The following PLD1 variants were observed in gnomAD, a reference collection of about 807,000 sequenced individuals.
PLD1 encodes choline phosphatase 1.
PLD1 carries 112 observed loss-of-function variants against 137.1 expected under a neutral mutation model. That is an observed-to-expected ratio of 0.82 (90% CI 0.70 to 0.96). PLD1 has a LOEUF of 0.96. PLD1 is among the 40% of genes least tolerant of loss of function. The pLI, the probability that PLD1 is intolerant of heterozygous loss-of-function variation, is 0.00. For missense variants in PLD1, 1,321 were observed against 1,342.0 expected, an observed-to-expected ratio of 0.98 and a Z score of 0.24; for synonymous variants, 431 against 454.7, an observed-to-expected ratio of 0.95 and a Z score of 0.66.
intron 8 of PLD1, among the ~76,000 whole-genome samples, chr3:171,721,191 C>T (rs930513890): frequency 1.3e-5 from 2 of 152,206 alleles, no homozygotes; most frequent in Non-Finnish European, 2.9e-5. Flanking sequence ...CCATGGCTTC[C>T]ATTCCTTGAG....
chr3:171,642,864 TG>T lies in PLD1; in HGVS notation c.2568del (p.Ile857SerfsTer5). On this transcript the variant is annotated frameshift_variant, in exon 23 of 27. Coordinates refer to ENST00000351298, the MANE Select transcript of PLD1 (RefSeq NM_002662.5). LOFTEE classifies it high-confidence loss of function. ...NYRTMCRGEN[S>X]ILGQLKAELG... The stretch of plus-strand genomic sequence containing the variant: ...CGCTCTGCTTTTAACTGTCCAAGGA[TG>T]GAATTTTCTCCTCTGCACATGGTTC... The T allele has an allele frequency of 6.3e-7, 1 of 1,589,910 alleles. No individual in the cohort carries two copies. Among genetic ancestry groups the T allele is most frequent in the Admixed American group, 1.7e-5 (1 of 57,210 alleles).
chr3:171,783,989 T>C (rs1190880351), intron 1 of PLD1, among the ~76,000 whole-genome samples: 2 of 152,216 alleles, frequency 1.3e-5, no homozygotes, highest in Non-Finnish European at 2.9e-5. Flanking sequence ...TCAGGACTCT[T>C]GTCTTATACT....
intron 14 of PLD1, 23 bp from the exon 15 acceptor site, chr3:171,687,607 A>T (rs1351310751): frequency 6.7e-7 from 1 of 1,483,216 alleles, no homozygotes; most frequent in Non-Finnish European, 9.4e-7. Context: ...TTTTTTTAAA[A>T]AAAGACACTG....
In PLD1 at chr3:171,713,911, C is replaced by T. The variant is rs368807491; in HGVS notation, c.893G>A (p.Arg298Gln). The T allele has an allele frequency of 3.5e-5, 57 of 1,612,320 alleles. No homozygotes were observed. The highest frequency in any genetic ancestry group is 9.9e-5 in the South Asian group (9 of 90,948). ...KKETETKYGIRIDNLSRTLIL... is the reference protein window; with the variant it reads ...KKETETKYGIQIDNLSRTLIL... ...TGTGTACCTTGAAAGATTATCAATT[C>T]GGATTCCATATTTCGTTTCTGTCTC... Residue 298 changes from arginine (R) to glutamine (Q), a missense_variant, in exon 9 of 27, where the codon CGA (arginine) becomes CAA (glutamine). By Grantham distance (43) the Arg-to-Gln change is conservative. Coordinates refer to ENST00000351298, the MANE Select transcript of PLD1 (RefSeq NM_002662.5).
intron 19 of PLD1, 25 bp downstream of exon 19, chr3:171,674,475 A>G (rs1431223283): frequency 1.6e-6 from 2 of 1,274,242 alleles, no homozygotes; most frequent in African/African-American, 3.0e-5. Flanking sequence ...CATTTTGTCA[A>G]AAAGAAAAGC....
intron 8 of PLD1, among the ~76,000 whole-genome samples, chr3:171,721,750 C>T (rs567838220): frequency 1.3e-5 from 2 of 151,578 alleles, no homozygotes; most frequent in South Asian, 4.2e-4. Context: ...TTTAGTAAAA[C>T]TTCTCTCCCA....
chr3:171,790,635 T>A (rs1439736704), intron 1 of PLD1, among the ~76,000 whole-genome samples: 1 of 152,218 alleles, frequency 6.6e-6, no homozygotes, highest in Non-Finnish European at 1.5e-5. Context: ...ACTGGAATTA[T>A]GAGACAGGGC....
intron 18 of PLD1, among the ~76,000 whole-genome samples, chr3:171,674,975 A>C (rs1237807341): frequency 3.8e-5 from 4 of 106,040 alleles, no homozygotes; most frequent in African/African-American, 1.7e-4. Flanking sequence ...GTGAATCTCC[A>C]TCTCAAAAAA....
chr3:171,682,625 A>T (rs1390592570), intron 16 of PLD1, among the ~76,000 whole-genome samples: 1 of 152,256 alleles, frequency 6.6e-6, no homozygotes, highest in African/African-American at 2.4e-5. Flanking sequence ...ATTTAAATCT[A>T]GAGCCTTGCT....
At chr3:171,650,720 A>G (rs1039004037) in intron 21 of PLD1, among the ~76,000 whole-genome samples, 10 of 152,276 alleles carry the variant, frequency 6.6e-5, no homozygotes, top group Non-Finnish European at 1.3e-4. Context: ...ATAAATTACA[A>G]TTCAACAGAA....
At chr3:171,758,820 C>G (rs1454160136) in intron 1 of PLD1, among the ~76,000 whole-genome samples, 1 of 152,184 alleles carries the variant, frequency 6.6e-6, no homozygotes, top group African/African-American at 2.4e-5. Flanking sequence ...CTATGAAGAT[C>G]CCCAGAGAAC....
chr3:171,615,984 C>CACAGCCATGCCAATACTTAGATTGCCCA (rs1733075038), intron 24 of PLD1, among the ~76,000 whole-genome samples: 1 of 152,212 alleles, frequency 6.6e-6, no homozygotes, highest in Non-Finnish European at 1.5e-5. Context: ...TGTATTGCTC[C>CACAGCCATGCCAATACTTAGATTGCCCA]ACAGCCATGC....
chr3:171,783,390 A>G (rs558624500), intron 1 of PLD1, among the ~76,000 whole-genome samples: 71 of 152,178 alleles, frequency 4.7e-4, no homozygotes, highest in African/African-American at 1.7e-3. Flanking sequence ...AGAGGCAAGT[A>G]GAGTAACCAC....
chr3:171,661,638 C>T (rs561701960), intron 20 of PLD1, among the ~76,000 whole-genome samples: 13 of 152,162 alleles, frequency 8.5e-5, no homozygotes, highest in East Asian at 1.9e-4. Flanking sequence ...CTCCCTACTC[C>T]GCCATGCCCA....
At chr3:171,764,937 A>G (rs56202366) in intron 1 of PLD1, among the ~76,000 whole-genome samples, 3,691 of 10,848 alleles carry the variant, frequency 0.34, 745 homozygotes, top group Non-Finnish European at 0.4. Context: ...AAGAAAGGAA[A>G]GAAAGAAAGA....
At chr3:171,770,339 T>G (rs954451889) in intron 1 of PLD1, among the ~76,000 whole-genome samples, 2 of 152,200 alleles carry the variant, frequency 1.3e-5, no homozygotes, top group African/African-American at 4.8e-5. Context: ...TTTTGAGGCA[T>G]TCCAGAAAAG....
chr3:171,674,547 G>A lies in PLD1; in HGVS notation c.2182C>T (p.His728Tyr). 2 of 1,611,246 alleles carry A rather than the reference G, an allele frequency of 1.2e-6. No homozygotes were observed. Among genetic ancestry groups the A allele is most frequent in the Non-Finnish European group, 1.7e-6 (2 of 1,177,586 alleles). The part of the protein sequence containing the change: ...FLLPKSQTTA[H>Y]ELRYQVPGSV... ...CCAGGCACTTGATATCTCAACTCAT[G>A]GGCTGTTGTTTGAGACTTTGGAAGC... The change falls in exon 19 of 27, where the codon CAT becomes TAT. Residue 728 changes from histidine to tyrosine, a missense_variant. By Grantham distance (83) the His-to-Tyr change is moderately conservative (BLOSUM62 2). Transcript: ENST00000351298.
chr3:171,654,171 C>T (rs1033797159), intron 21 of PLD1: 30 of 349,038 alleles, frequency 8.6e-5, no homozygotes, highest in Admixed American at 6.7e-4. Flanking sequence ...AGTGTGGTGG[C>T]GGGTGCCTGT....
chr3:171,794,144 C>CA (rs201615949), intron 1 of PLD1, among the ~76,000 whole-genome samples: 4,182 of 118,702 alleles, frequency 0.035, 210 homozygotes, highest in African/African-American at 0.12. Flanking sequence ...GAATCCATCT[C>CA]AAAAAAAAAA....
Sources: allele counts gnomAD v4.1 joint callset (sites outside exome capture counted in the v4.1 genomes callset), GRCh38; gene constraint gnomAD v4.1.1; transcripts MANE v1.5; gene names NCBI Gene and HGNC (gene_info 2026-07-23, HGNC 2026-07-21).